AP5Z1: variants seen among roughly 807,000 people sequenced by gnomAD.
AP5Z1 encodes the protein AP-5 complex subunit zeta-1.
Under a neutral mutation model 83.0 loss-of-function variants are expected in AP5Z1, and 106 were observed. The observed-to-expected ratio is 1.28, with a 90% confidence interval of 1.09 to 1.50. The LOEUF is 1.50. AP5Z1 is among the 40% of genes most tolerant of loss of function. The probability of loss-of-function intolerance (pLI) is 0.00; values close to 1 mark genes in which losing one functional copy is unlikely to be tolerated. For missense variants in AP5Z1, 1,565 were observed against 1,094.2 expected (o/e 1.43, Z -6.07); for synonymous variants, 751 against 514.1 (o/e 1.46, Z -6.23).
chr7:4,791,147 T>C lies in AP5Z1; in HGVS notation c.2186T>C (p.Leu729Pro). 6.2e-7 allele frequency: 1 copy of C among 1,608,428 alleles called. No individual in the cohort carries two copies. The highest frequency in any genetic ancestry group is 8.5e-7 in the Non-Finnish European group (1 of 1,177,434). ...ASLLLSKMRT[L>P]AHSPATSSTH... ...TTATTGCTGTCAAAGATGAGGACCC[T>C]GGCTCACAGTCCAGCCACCAGCTCC... Residue 729 changes from leucine (L) to proline (P), a missense_variant, in exon 17 of 17, where the codon CTG becomes CCG. By Grantham distance (98) the Leu-to-Pro change is moderately conservative. Coordinates refer to ENST00000649063, the MANE Select transcript of AP5Z1 (RefSeq NM_014855.3).
At position 4,792,362 on chromosome 7, in the gene AP5Z1, ACCTCCCCTCCGG is replaced by A. The variant is rs1207951143; in HGVS notation, c.*982_*993del. ...CTCCTCTTTTGCTCTGGCCCCGCCC[ACCTCCCCTCCGG>A]CCTCGGCCCCGCCCCCAATCCCCCA... is the stretch of plus-strand genomic sequence containing the variant. On this transcript the variant is annotated 3_prime_UTR_variant, in exon 17 of 17. Transcript: ENST00000649063. 3.0e-5 allele frequency: 1 copy of A among 33,794 alleles called. No individual in the cohort carries two copies. Among genetic ancestry groups the A allele is most frequent in the Non-Finnish European group, 6.3e-5 (1 of 16,000 alleles). The allele number at this position is 33,794 out of a possible 1,614,324, so 2.1% of individuals were successfully genotyped here.
chr7:4,788,615 T>G (rs934599733), intron 12 of AP5Z1: 8 of 514,164 alleles, frequency 1.6e-5, no homozygotes, highest in Non-Finnish European at 2.0e-5. Context: ...GCCACAGGCC[T>G]CCTGCCCTCA....
chr7:4,790,341 A>G (rs527248448), intron 14 of AP5Z1, 118 bp from the exon 15 acceptor site: 1 of 1,563,292 alleles, frequency 6.4e-7, no homozygotes, highest in South Asian at 1.2e-5. Context: ...CCTCTATCGG[A>G]GGGTGCAGCA....
chr7:4,786,210 G>T, intron 9 of AP5Z1, 40 bp from the exon 10 acceptor site: 1 of 1,542,850 alleles, frequency 6.5e-7, no homozygotes, highest in African/African-American at 1.4e-5. Flanking sequence ...CGGCCAGGGC[G>T]AGGTCAAGAC....
chr7:4,788,017 G>A (rs1781610731), intron 11 of AP5Z1, 137 bp from the exon 12 acceptor site: 6 of 1,361,438 alleles, frequency 4.4e-6, no homozygotes, highest in Non-Finnish European at 4.8e-6. Flanking sequence ...CCCAGGCCTG[G>A]AGCCTCCCAT....
chr7:4,777,225 C>G (rs2115095371), intron 1 of AP5Z1, among the ~76,000 whole-genome samples: 1 of 152,126 alleles, frequency 6.6e-6, no homozygotes, highest in South Asian at 2.1e-4. Context: ...GGCATCTCAG[C>G]ATGTAACATG....
chr7:4,791,389 G>A lies in AP5Z1; in HGVS notation c.*4G>A, dbSNP rs1198538738. ...GGCCGGCCTCATGCCAGGGTGAAGG[G>A]ACAGTGGCCAGGGACTTCGGTGCAG... On this transcript the variant is annotated 3_prime_UTR_variant, in exon 17 of 17. Coordinates refer to ENST00000649063, the MANE Select transcript of AP5Z1 (RefSeq NM_014855.3). The A allele has an allele frequency of 1.2e-6, 2 of 1,601,636 alleles. No homozygotes were observed. Among genetic ancestry groups the A allele is most frequent in the Non-Finnish European group, 8.5e-7 (1 of 1,174,182 alleles).
At chr7:4,783,508 G>A (rs1261151489) in intron 4 of AP5Z1, 48 bp downstream of exon 4, 2 of 1,596,422 alleles carry the variant, frequency 1.3e-6, no homozygotes, top group African/African-American at 2.7e-5. Flanking sequence ...GCCTTCCCAG[G>A]TCCTTCCCTG....
In AP5Z1 at chr7:4,778,843, T is replaced by C. The variant is rs942784215; in HGVS notation, c.42-2332T>C. Among the ~76,000 whole-genome samples the C allele has an allele frequency of 6.2e-5, 9 of 144,448 alleles. No homozygotes were observed. In the South Asian group the frequency reaches 1.5e-3, roughly 24 times the overall value. The allele number at this position is 144,448 out of a possible 152,430, so 94.8% of individuals were successfully genotyped here. On this transcript the variant is annotated intron_variant, in intron 1 of 16. Transcript: ENST00000649063. ...TTATATTATATATCATTATATATAA[T>C]ATATAATGATATATAATATTTTATA...
chr7:4,784,694 T>G (rs924295831), intron 6 of AP5Z1, among the ~76,000 whole-genome samples: 1 of 152,160 alleles, frequency 6.6e-6, no homozygotes, highest in Non-Finnish European at 1.5e-5. Flanking sequence ...CCGGCTGCTC[T>G]GTGGACTTGT....
rs543467648 is a variant in AP5Z1 at position 4,790,699 on chromosome 7, G to A, written c.1965G>A (p.Ser655=). ...SVVWAIGEYL[S]VTYDRRCTVE... is the part of the protein sequence containing the mutation. Reference sequence around the variant, plus strand: ...TGTGGGCCATCGGCGAGTACCTGTCGGTGACCTACGATCGGAGGTGCACCG... The same window carrying A: ...TGTGGGCCATCGGCGAGTACCTGTCAGTGACCTACGATCGGAGGTGCACCG... Residue 655 remains serine, a synonymous_variant, in exon 16 of 17, where the codon TCG becomes TCA. Coordinates refer to ENST00000649063, the MANE Select transcript of AP5Z1 (RefSeq NM_014855.3). 103 of 1,611,372 alleles carry A rather than the reference G, an allele frequency of 6.4e-5. No individual in the cohort carries two copies. The Admixed American group carries it at 6.5e-4, about 10-fold the overall frequency.
chr7:4,783,378 G>A lies in AP5Z1; in HGVS notation c.429G>A (p.Arg143=). ...GCGTGCTACGAGCGCTGGAGAGCCG[G>A]CAGCCTGAGGGACCCAGCCTCAGAC... The part of the protein sequence containing the change: ...GQGVLRALES[R]QPEGPSLRHL... The change falls in exon 4 of 17, where the codon CGG becomes CGA. Residue 143 remains arginine, a synonymous_variant. Transcript: ENST00000649063. 2 of 1,613,214 alleles carry A rather than the reference G, an allele frequency of 1.2e-6. No homozygotes were observed. Among genetic ancestry groups the A allele is most frequent in the South Asian group, 1.1e-5 (1 of 91,072 alleles).
At chr7:4,786,468 G>A in intron 10 of AP5Z1, 40 bp downstream of exon 10, 1 of 1,601,834 alleles carries the variant, frequency 6.2e-7, no homozygotes, top group Non-Finnish European at 8.5e-7. Flanking sequence ...CAGGGGCATG[G>A]TAAGTCCCTG....
chr7:4,782,475 T>C (rs1233760147), intron 3 of AP5Z1, among the ~76,000 whole-genome samples: 2 of 152,188 alleles, frequency 1.3e-5, no homozygotes, highest in Non-Finnish European at 2.9e-5. Context: ...AAGGTTGCGA[T>C]GGAGCTGGGC....
In AP5Z1 at chr7:4,791,547, C is replaced by A; in HGVS notation, c.*162C>A. 9.6e-7 allele frequency: 1 copy of A among 1,043,628 alleles called. No homozygotes were observed. The highest frequency in any genetic ancestry group is 1.4e-6 in the Non-Finnish European group (1 of 735,134). The allele number at this position is 1,043,628 out of a possible 1,614,324, so 64.6% of individuals were successfully genotyped here. A position where few individuals can be genotyped will look rare whatever the true frequency, so the allele number is the denominator to read the frequency against. On this transcript the variant is annotated 3_prime_UTR_variant, in exon 17 of 17. Coordinates refer to ENST00000649063, the MANE Select transcript of AP5Z1 (RefSeq NM_014855.3). ...CTCACAGACACGCGGGGCTGGCCCC[C>A]CTGCTCACCCTCTGGGCTTTGTCTC...
Position 4,787,728 on chromosome 7 carries a change from C to A in AP5Z1, c.1406C>A (p.Ala469Glu), listed in dbSNP as rs181396911. The change falls in exon 11 of 17, where the codon GCG becomes GAG. Residue 469 changes from alanine (A) to glutamate (E), a missense_variant. Coordinates refer to ENST00000649063, the MANE Select transcript of AP5Z1 (RefSeq NM_014855.3). Reference sequence around the variant, plus strand: ...GGCACAGCCCTGGAGATGCTGCACGCGCTGCTGGACCTGCCCTGCTTGACG... The same window carrying A: ...GGCACAGCCCTGGAGATGCTGCACGAGCTGCTGGACCTGCCCTGCTTGACG... ...DAGTALEMLH[A>E]LLDLPCLTAV... 29 of 1,548,218 alleles carry A rather than the reference C, an allele frequency of 1.9e-5. No homozygotes were observed. The South Asian group carries it at 3.0e-4, about 16-fold the overall frequency.
intron 10 of AP5Z1, 84 bp downstream of exon 10, chr7:4,786,512 C>A: frequency 2.0e-6 from 3 of 1,493,276 alleles, no homozygotes; most frequent in South Asian, 1.2e-5. Flanking sequence ...GGGTTCAGGG[C>A]GAGTCCTGGC....
At chr7:4,781,360 G>A (rs758985990) in intron 2 of AP5Z1, 48 bp downstream of exon 2, 2 of 1,608,846 alleles carry the variant, frequency 1.2e-6, no homozygotes, top group Non-Finnish European at 8.5e-7. Context: ...GCGGCCCCAG[G>A]AGAACCCAGC....
chr7:4,784,977 T>C lies in AP5Z1; in HGVS notation c.860T>C (p.Leu287Pro), dbSNP rs749074580. The change falls in exon 7 of 17, where the codon CTG becomes CCG. Residue 287 changes from leucine (L) to proline (P), a missense_variant. Leu to Pro is a moderately conservative substitution (Grantham distance 98, BLOSUM62 -3). Transcript: ENST00000649063. ...GCCACCTCCTCTGCCGGCCGCCTGC[T>C]GCCGCCCCGGGAGCGGCTTCGGGAG... ...ISATSSAGRLLPPRERLREVA... is the reference protein window; with the variant it reads ...ISATSSAGRLPPPRERLREVA... 6.2e-7 allele frequency: 1 copy of C among 1,612,208 alleles called. No homozygotes were observed. Among genetic ancestry groups the C allele is most frequent in the Admixed American group, 1.7e-5 (1 of 59,970 alleles).
Sources: gnomAD v4.1 joint callset for allele counts (sites outside exome capture counted in the v4.1 genomes callset) on GRCh38, gnomAD v4.1.1 for gene constraint, MANE v1.5 for transcripts, NCBI Gene and HGNC (gene_info 2026-07-23, HGNC 2026-07-21) for gene names.